Variants in FANCA observed in about 807,000 individuals in gnomAD.
The protein encoded by FANCA is FA complementation group A, also known as Fanconi anemia group A protein.
Under a neutral mutation model 194.3 loss-of-function variants are expected in FANCA, and 236 were observed. The ratio of observed to expected loss-of-function variants is 1.21; its 90% CI spans 1.09 to 1.35. The LOEUF (loss-of-function observed/expected upper bound fraction) is 1.35. Among genes scored for constraint, FANCA ranks in the 40% most tolerant of loss-of-function variants. The pLI, the probability that FANCA is intolerant of heterozygous loss-of-function variation, is 0.00. For missense variants in FANCA, 2,628 were observed against 1,813.9 expected, an observed-to-expected ratio of 1.45 and a Z score of -8.15; for synonymous variants, 1,014 against 715.8, an observed-to-expected ratio of 1.42 and a Z score of -6.65.
intron 14 of FANCA, among the ~76,000 whole-genome samples, chr16:89,789,275 C>T (rs949599058): frequency 3.5e-5 from 5 of 143,112 alleles, no homozygotes; most frequent in African/African-American, 1.4e-4. Flanking sequence ...GCGGCTCAGC[C>T]TCCTGTGCAG....
chr16:89,759,623 T>C (rs1049376708), intron 29 of FANCA, among the ~76,000 whole-genome samples: 1 of 151,936 alleles, frequency 6.6e-6, no homozygotes, highest in Non-Finnish European at 1.5e-5. Flanking sequence ...TAGCTGGGCA[T>C]AGTAGTGCCC....
At chr16:89,777,571 A>G (rs1193267026) in intron 20 of FANCA, among the ~76,000 whole-genome samples, 1 of 151,882 alleles carries the variant, frequency 6.6e-6, no homozygotes, top group Non-Finnish European at 1.5e-5. Context: ...TAAAAATACA[A>G]AAAAAGAAAA....
rs750757532 is a variant in FANCA, at chr16:89,810,810, G to C, written c.427-8C>G. 8 of 1,612,234 alleles carry C rather than the reference G, an allele frequency of 5.0e-6. No individual in the cohort carries two copies. The Admixed American group carries it at 6.7e-5, about 13-fold the overall frequency. On this transcript the variant is annotated splice_region_variant and splice_polypyrimidine_tract_variant and intron_variant, in intron 4 of 42. Coordinates refer to ENST00000389301, the MANE Select transcript of FANCA (RefSeq NM_000135.4). ...CAGGGAAGACAGCTTCTTCTGAAAA[G>C]AGAGATTACATTTTTTAAAAAACAA...
At chr16:89,753,740 C>G (rs1315839389) in intron 30 of FANCA, among the ~76,000 whole-genome samples, 1 of 152,148 alleles carries the variant, frequency 6.6e-6, no homozygotes, top group African/African-American at 2.4e-5. Flanking sequence ...ACACTCAGAA[C>G]AGTGTCGCTG....
intron 38 of FANCA, 118 bp downstream of exon 38, chr16:89,740,686 C>A: frequency 1.2e-6 from 1 of 808,044 alleles, no homozygotes. Context: ...CTCACACTTC[C>A]GCAAACACAA....
At chr16:89,764,662 A>C in intron 28 of FANCA, 1 of 619,104 alleles carries the variant, frequency 1.6e-6, no homozygotes, top group Non-Finnish European at 3.0e-6. Context: ...TCAAGATTCC[A>C]ATCAAACCAT....
chr16:89,794,283 G>A (rs1490524980), intron 11 of FANCA, among the ~76,000 whole-genome samples: 1 of 152,058 alleles, frequency 6.6e-6, no homozygotes, highest in African/African-American at 2.4e-5. Context: ...CAGGCTAGGT[G>A]GCTCACGCCT....
chr16:89,751,961 G>A (rs955858880), intron 31 of FANCA, among the ~76,000 whole-genome samples, 177 bp downstream of exon 31: 7 of 151,882 alleles, frequency 4.6e-5, no homozygotes, highest in African/African-American at 1.5e-4. Context: ...TAGTAGAGAC[G>A]GGGTCTCATC....
chr16:89,803,321 A>G lies in FANCA; in HGVS notation c.730T>C (p.Leu244=). ...TCTGAGTTTTTCTGAAATCCCCTCA[A>G]AACAAACATTTGAACAAAATCTGAA... The part of the protein sequence containing the change: ...MLSDFVQMFV[L]RGFQKNSDLR... The change falls in exon 8 of 43, where the codon TTG becomes CTG. Residue 244 remains leucine (L), a synonymous_variant. Transcript: ENST00000389301. The G allele has an allele frequency of 6.2e-7, 1 of 1,614,138 alleles. No individual in the cohort carries two copies. The highest frequency in any genetic ancestry group is 8.5e-7 in the Non-Finnish European group (1 of 1,180,002).
chr16:89,781,536 T>A (rs1360307707), intron 17 of FANCA, among the ~76,000 whole-genome samples: 3 of 134,386 alleles, frequency 2.2e-5, no homozygotes, highest in African/African-American at 5.7e-5. Context: ...ATTAGCTGGG[T>A]GTGGTGGCAG....
In FANCA at chr16:89,748,729, C is replaced by T. The variant is rs2143127989; in HGVS notation, c.3278G>A (p.Ser1093Asn). ...GATGGGCTGTTCTGCCTGGAAGCTGCTGCCGCAGAGGACAGACGAAGGCAG... is the reference window on the plus strand; with the variant it reads ...GATGGGCTGTTCTGCCTGGAAGCTGTTGCCGCAGAGGACAGACGAAGGCAG... ...LRLPSSVLCG[S>N]SFQAEQPITA... The change falls in exon 33 of 43, where the codon AGC (serine) becomes AAC (asparagine). Residue 1093 changes from serine to asparagine, a missense_variant. Coordinates refer to ENST00000389301, the MANE Select transcript of FANCA (RefSeq NM_000135.4). The T allele has an allele frequency of 1.9e-6, 3 of 1,614,124 alleles. No individual in the cohort carries two copies. Among genetic ancestry groups the T allele is most frequent in the African/African-American group, 1.3e-5 (1 of 75,066 alleles).
chr16:89,745,397 G>A (rs746420680), intron 35 of FANCA, among the ~76,000 whole-genome samples: 4 of 151,312 alleles, frequency 2.6e-5, no homozygotes, highest in African/African-American at 4.9e-5. Flanking sequence ...ATGAAACAGT[G>A]AAGGGACCAC....
chr16:89,796,177 AAGG>A (rs1175316014), intron 10 of FANCA, among the ~76,000 whole-genome samples, 159 bp from the exon 11 acceptor site: 1 of 152,120 alleles, frequency 6.6e-6, no homozygotes, highest in African/African-American at 2.4e-5. Context: ...AACTGAATCC[AAGG>A]AGGTGGCAGT....
intron 14 of FANCA, 130 bp downstream of exon 14, chr16:89,791,273 G>C (rs2040067127): frequency 1.6e-6 from 2 of 1,265,600 alleles, no homozygotes; most frequent in Non-Finnish European, 1.1e-6. Flanking sequence ...ATCTGCCAAG[G>C]CCACTCGGCA....
intron 7 of FANCA, among the ~76,000 whole-genome samples, chr16:89,803,766 C>T (rs752271604): frequency 5.9e-5 from 9 of 151,730 alleles, no homozygotes; most frequent in African/African-American, 9.7e-5. Flanking sequence ...GGAATATAGG[C>T]GCCGCCACCA....
At chr16:89,806,483 A>AAG (rs2040652550) in intron 6 of FANCA, among the ~76,000 whole-genome samples, 1 of 151,428 alleles carries the variant, frequency 6.6e-6, no homozygotes, top group Non-Finnish European at 1.5e-5. Context: ...TTTCCTAGGC[A>AAG]GAGGACCCTG....
chr16:89,757,339 G>C (rs2038800399), intron 30 of FANCA, among the ~76,000 whole-genome samples: 2 of 152,154 alleles, frequency 1.3e-5, no homozygotes, highest in South Asian at 4.1e-4. Context: ...TCTTGGAGTA[G>C]GGTTAACAAG....
intron 34 of FANCA, 56 bp from the exon 35 acceptor site, chr16:89,746,744 G>A: frequency 6.3e-7 from 1 of 1,599,746 alleles, no homozygotes; most frequent in Non-Finnish European, 8.6e-7. Flanking sequence ...ACAACTAGTA[G>A]AGTGAAGGAA....
At chr16:89,765,104 C>T (rs770766206) in intron 27 of FANCA, 38 bp from the exon 28 acceptor site, 5 of 1,611,490 alleles carry the variant, frequency 3.1e-6, no homozygotes, top group Admixed American at 1.7e-5. Flanking sequence ...CTTCATTGCG[C>T]AAGTTTCACT....
Sources: allele counts gnomAD v4.1 joint callset (sites outside exome capture counted in the v4.1 genomes callset), GRCh38; gene constraint gnomAD v4.1.1; transcripts MANE v1.5; gene names NCBI Gene and HGNC (gene_info 2026-07-23, HGNC 2026-07-21).